Variants in NUCKS1 observed in about 807,000 individuals in gnomAD.
The protein encoded by NUCKS1 is nuclear casein kinase and cyclin dependent kinase substrate 1.
NUCKS1 carries 2 observed loss-of-function variants against 33.0 expected under a neutral mutation model. The ratio of observed to expected loss-of-function variants is 0.06; its 90% CI spans 0.02 to 0.19. The LOEUF is 0.19. Among genes scored for constraint, NUCKS1 ranks in the 10% least tolerant of loss-of-function variants. The probability of loss-of-function intolerance (pLI) is 1.00; values close to 1 mark genes in which losing one functional copy is unlikely to be tolerated. For missense variants in NUCKS1, 201 were observed against 293.6 expected (o/e 0.68, Z 2.31); for synonymous variants, 106 against 102.8 (o/e 1.03, Z -0.19).
At chr1:205,748,263 A>C (rs1244976296) in intron 1 of NUCKS1, among the ~76,000 whole-genome samples, 1 of 152,224 alleles carries the variant, frequency 6.6e-6, no homozygotes, top group Non-Finnish European at 1.5e-5. Context: ...TAAGAACGTC[A>C]CCACAATAAA....
In NUCKS1 at chr1:205,750,182, T is replaced by G; in HGVS notation, c.-209A>C. 1 of 564,318 alleles carries G rather than the reference T, an allele frequency of 1.8e-6. No individual in the cohort carries two copies. Among genetic ancestry groups the G allele is most frequent in the Non-Finnish European group, 3.2e-6 (1 of 312,916 alleles). The allele number at this position is 564,318 out of a possible 1,614,324, so 35.0% of individuals were successfully genotyped here. A position where few individuals can be genotyped will look rare whatever the true frequency, so the allele number is the denominator to read the frequency against. ...CGCTCCCCCGTCTCTTCAAAATGGATGAATCAAACCAGCCGAAAATGCGCC... is the reference window on the plus strand; with the variant it reads ...CGCTCCCCCGTCTCTTCAAAATGGAGGAATCAAACCAGCCGAAAATGCGCC... On this transcript the variant is annotated 5_prime_UTR_variant, in exon 1 of 7. Transcript: ENST00000367142.
intron 3 of NUCKS1, among the ~76,000 whole-genome samples, chr1:205,725,981 A>G (rs1470914550): frequency 6.6e-6 from 1 of 152,110 alleles, no homozygotes; most frequent in East Asian, 1.9e-4. Context: ...TGGGCTGATC[A>G]CGAGGTCAGG....
In NUCKS1 at chr1:205,716,404, T is replaced by C. The variant is rs1398115882; in HGVS notation, c.*1876A>G. 6.6e-6 allele frequency: 1 copy of C among 152,206 alleles called. No homozygotes were observed. The highest frequency in any genetic ancestry group is 1.5e-5 in the Non-Finnish European group (1 of 68,028). The allele number at this position is 152,206 out of a possible 1,614,324, so 9.4% of individuals were successfully genotyped here. On this transcript the variant is annotated 3_prime_UTR_variant, in exon 7 of 7. Coordinates refer to ENST00000367142, the MANE Select transcript of NUCKS1 (RefSeq NM_022731.5). ...AACTTCTTTGTTAAAAATGGATACC[T>C]GAACAAACCCATTTAGGCAAATAGA...
chr1:205,745,072 T>C (rs1433289237), intron 1 of NUCKS1, among the ~76,000 whole-genome samples: 1 of 152,164 alleles, frequency 6.6e-6, no homozygotes, highest in Non-Finnish European at 1.5e-5. Flanking sequence ...ATGGCCCCAA[T>C]GGTTTCAAAC....
intron 1 of NUCKS1, among the ~76,000 whole-genome samples, chr1:205,742,110 G>A (rs1333396204): frequency 1.3e-5 from 2 of 152,218 alleles, no homozygotes; most frequent in Admixed American, 6.5e-5. Flanking sequence ...TAGCAGCACC[G>A]ACTTTTACTC....
intron 1 of NUCKS1, among the ~76,000 whole-genome samples, chr1:205,737,641 G>A (rs1255926518): frequency 6.6e-6 from 1 of 152,186 alleles, no homozygotes; most frequent in Non-Finnish European, 1.5e-5. Flanking sequence ...TATTTTCACA[G>A]AATTCTTTTG....
At position 205,724,743 on chromosome 1, in the gene NUCKS1, T is replaced by C. The variant is rs551156304; in HGVS notation, c.174-762A>G. 1.1e-4 allele frequency among the ~76,000 whole-genome samples: 17 copies of C among 152,212 alleles called. No homozygotes were observed. In the South Asian group the frequency reaches 3.1e-3, roughly 28 times the overall value. On this transcript the variant is annotated intron_variant, in intron 3 of 6. Transcript: ENST00000367142. ...TAGTTCAGTTATCTTACCTAACTTATAATATGCCTAAAAATTTACCTAGAA... is the reference window on the plus strand; with the variant it reads ...TAGTTCAGTTATCTTACCTAACTTACAATATGCCTAAAAATTTACCTAGAA...
chr1:205,724,914 T>G (rs942551346), intron 3 of NUCKS1, among the ~76,000 whole-genome samples: 2 of 152,160 alleles, frequency 1.3e-5, no homozygotes, highest in East Asian at 3.9e-4. Context: ...CAAAGTAAAA[T>G]AAGAAGTTAA....
intron 1 of NUCKS1, among the ~76,000 whole-genome samples, chr1:205,744,142 C>G (rs1392853883): frequency 6.6e-6 from 1 of 152,180 alleles, no homozygotes; most frequent in African/African-American, 2.4e-5. Flanking sequence ...CTATTATGAA[C>G]TGTAACTTGC....
chr1:205,715,875 A>C lies in NUCKS1; in HGVS notation c.*2405T>G, dbSNP rs1223356955. ...CGTCCTGACATCACTATCAAGCCTG[A>C]CTATTGAGCACCTGTATCCAGTTGA... On this transcript the variant is annotated 3_prime_UTR_variant, in exon 7 of 7. Transcript: ENST00000367142. 1.3e-5 allele frequency: 2 copies of C among 152,194 alleles called. No individual in the cohort carries two copies. The highest frequency in any genetic ancestry group is 1.3e-4 in the Admixed American group (2 of 15,264). 9.4% of individuals were successfully genotyped at this position (152,194 alleles called of 1,614,324 possible). A position where few individuals can be genotyped will look rare whatever the true frequency, so the allele number is the denominator to read the frequency against.
At position 205,719,648 on chromosome 1, in the gene NUCKS1, T is replaced by C. The variant is rs1009238392; in HGVS notation, c.411A>G (p.Leu137=). ...EKDSGSDEDF[L]MEDDDDSDYG... ...AGTCACTATCGTCATCATCTTCCAT[T>C]AGGAAATCTTCATCGCTGCCGGAAT... is the stretch of plus-strand genomic sequence containing the variant. The change falls in exon 6 of 7, where the codon CTA becomes CTG. Residue 137 remains leucine, a synonymous_variant. Transcript: ENST00000367142. 6.8e-6 allele frequency: 11 copies of C among 1,611,698 alleles called. No individual in the cohort carries two copies. The highest frequency in any genetic ancestry group is 1.7e-5 in the Admixed American group (1 of 59,528).
chr1:205,730,491 CTCTT>C (rs1321463321), intron 1 of NUCKS1, among the ~76,000 whole-genome samples: 3 of 151,628 alleles, frequency 2.0e-5, no homozygotes, highest in East Asian at 1.9e-4. Flanking sequence ...TCTTTTCTCT[CTCTT>C]TTTTTTTTTT....
At chr1:205,749,840 G>A in intron 1 of NUCKS1, 117 bp downstream of exon 1, 1 of 1,166,468 alleles carries the variant, frequency 8.6e-7, no homozygotes, top group African/African-American at 1.6e-5. Context: ...GCCCCGAAAG[G>A]GAGGAGGCCG....
At chr1:205,749,052 C>T (rs926582109) in intron 1 of NUCKS1, among the ~76,000 whole-genome samples, 3 of 152,092 alleles carry the variant, frequency 2.0e-5, no homozygotes, top group African/African-American at 4.8e-5. Context: ...GATGGTTACC[C>T]GAACCTAGCC....
intron 2 of NUCKS1, among the ~76,000 whole-genome samples, chr1:205,729,085 C>T (rs1653847318): frequency 6.6e-6 from 1 of 152,178 alleles, no homozygotes; most frequent in African/African-American, 2.4e-5. Context: ...TCTCTTGCCT[C>T]AGCCTCCAGA....
intron 1 of NUCKS1, among the ~76,000 whole-genome samples, chr1:205,736,548 G>C (rs1654039508): frequency 6.6e-6 from 1 of 152,090 alleles, no homozygotes; most frequent in Non-Finnish European, 1.5e-5. Context: ...GTAATTGCCA[G>C]GTGTGGTGGC....
In NUCKS1 at chr1:205,719,378, G is replaced by C; in HGVS notation, c.532+149C>G. 5.3e-6 allele frequency: 4 copies of C among 749,764 alleles called. No individual in the cohort carries two copies. The South Asian group carries it at 8.4e-5, about 16-fold the overall frequency. 46.4% of individuals were successfully genotyped at this position (749,764 alleles called of 1,614,324 possible). A position where few individuals can be genotyped will look rare whatever the true frequency, so the allele number is the denominator to read the frequency against. On this transcript the variant is annotated intron_variant, in intron 6 of 6. Transcript: ENST00000367142. ...TCTTTATTAATAAGAGATACTTCCAGTTGCAGAATACAAGACCCTTTTAGA... is the reference window on the plus strand; with the variant it reads ...TCTTTATTAATAAGAGATACTTCCACTTGCAGAATACAAGACCCTTTTAGA...
intron 1 of NUCKS1, among the ~76,000 whole-genome samples, chr1:205,737,249 G>C (rs756523323): frequency 3.9e-5 from 6 of 152,178 alleles, no homozygotes; most frequent in Admixed American, 6.5e-5. Context: ...CTTTTGGACT[G>C]TTCCATCATT....
In NUCKS1 at chr1:205,746,125, G is replaced by A. The variant is rs183998648; in HGVS notation, c.17+3832C>T. 2.0e-5 allele frequency among the ~76,000 whole-genome samples: 3 copies of A among 149,698 alleles called. No individual in the cohort carries two copies. The East Asian group carries it at 6.8e-4, about 34-fold the overall frequency. On this transcript the variant is annotated intron_variant, in intron 1 of 6. Coordinates refer to ENST00000367142, the MANE Select transcript of NUCKS1 (RefSeq NM_022731.5). ...AGCCTGGCCAACATGGTGAAACCCT[G>A]TCCCTACTAAAAATACAAAAGTTAG...
Sources: allele counts gnomAD v4.1 joint callset (sites outside exome capture counted in the v4.1 genomes callset), GRCh38; gene constraint gnomAD v4.1.1; transcripts MANE v1.5; gene names NCBI Gene and HGNC (gene_info 2026-07-23, HGNC 2026-07-21).